The following KMT5B variants were observed in gnomAD, a reference collection of about 807,000 sequenced individuals.
The protein encoded by KMT5B is histone-lysine N-methyltransferase KMT5B.
Under a neutral mutation model 83.2 loss-of-function variants are expected in KMT5B, and 10 were observed. That is an observed-to-expected ratio of 0.12 (90% CI 0.07 to 0.20). KMT5B has a LOEUF of 0.20. Among genes scored for constraint, KMT5B ranks in the 10% least tolerant of loss-of-function variants. The pLI is 1.00. For missense variants in KMT5B, 753 were observed against 1,067.2 expected (o/e 0.71, Z 4.10); for synonymous variants, 349 against 388.8 (o/e 0.90, Z 1.20).
At chr11:68,206,895 A>G (rs190442541) in intron 1 of KMT5B, among the ~76,000 whole-genome samples, 1 of 152,284 alleles carries the variant, frequency 6.6e-6, no homozygotes, top group African/African-American at 2.4e-5. Flanking sequence ...TGCTTTCCCT[A>G]CAGTTCCCAA....
At chr11:68,195,382 C>G (rs1858580732) in intron 1 of KMT5B, among the ~76,000 whole-genome samples, 1 of 152,166 alleles carries the variant, frequency 6.6e-6, no homozygotes, top group African/African-American at 2.4e-5. Flanking sequence ...TTTCCCCATC[C>G]ACCTCACAGG....
intron 10 of KMT5B, 93 bp downstream of exon 10, chr11:68,166,889 T>C (rs543904737): frequency 1.6e-4 from 250 of 1,533,352 alleles, no homozygotes; most frequent in South Asian, 1.5e-3. Context: ...TCTCTGAGTA[T>C]TTAAAAGTTT....
chr11:68,183,567 C>T (rs1289006658), intron 3 of KMT5B, among the ~76,000 whole-genome samples: 2 of 151,798 alleles, frequency 1.3e-5, no homozygotes, highest in Admixed American at 6.6e-5. Context: ...GCATGTTGGC[C>T]AGGCTGGTCT....
intron 10 of KMT5B, among the ~76,000 whole-genome samples, chr11:68,160,981 C>A (rs987220857): frequency 1.3e-5 from 2 of 152,106 alleles, no homozygotes; most frequent in African/African-American, 2.4e-5. Context: ...CCTGCACGCA[C>A]AGACTGGCTC....
At chr11:68,174,042 G>C in intron 5 of KMT5B, 129 bp from the exon 6 acceptor site, 1 of 713,868 alleles carries the variant, frequency 1.4e-6, no homozygotes, top group South Asian at 1.5e-5. Context: ...AACATAGCGA[G>C]ACCCTGTCTC....
chr11:68,198,728 T>C (rs1236874341), intron 1 of KMT5B, among the ~76,000 whole-genome samples: 5 of 152,214 alleles, frequency 3.3e-5, no homozygotes, highest in Admixed American at 1.3e-4. Flanking sequence ...AAGAAAGTAC[T>C]GACTGCTTCT....
At chr11:68,194,247 G>A (rs1259827973) in intron 1 of KMT5B, among the ~76,000 whole-genome samples, 1 of 147,798 alleles carries the variant, frequency 6.8e-6, no homozygotes, top group Non-Finnish European at 1.5e-5. Flanking sequence ...CTGGAGTGCA[G>A]TGTCCACGAT....
intron 1 of KMT5B, among the ~76,000 whole-genome samples, chr11:68,212,198 C>A (rs1350973916): frequency 6.6e-6 from 1 of 152,142 alleles, no homozygotes; most frequent in East Asian, 1.9e-4. Context: ...AAGTTCAGAC[C>A]TGTATGGCCA....
At chr11:68,164,760 G>A (rs955246143) in intron 10 of KMT5B, 2 of 471,144 alleles carry the variant, frequency 4.2e-6, no homozygotes, top group Non-Finnish European at 8.5e-6. Context: ...CTGTAATGCT[G>A]AGACTTCAGC....
intron 1 of KMT5B, among the ~76,000 whole-genome samples, chr11:68,208,390 T>G (rs1158601891): frequency 6.6e-6 from 1 of 151,400 alleles, no homozygotes; most frequent in East Asian, 2.0e-4. Flanking sequence ...GAGGTGGAGG[T>G]TGCAATGAGC....
intron 9 of KMT5B, among the ~76,000 whole-genome samples, chr11:68,170,507 G>A (rs900817964): frequency 1.3e-5 from 2 of 152,188 alleles, no homozygotes; most frequent in East Asian, 3.9e-4. Context: ...TGCCAATGAA[G>A]ATCTGGGGGA....
chr11:68,174,655 A>G (rs895895715), intron 5 of KMT5B, among the ~76,000 whole-genome samples: 4 of 152,190 alleles, frequency 2.6e-5, no homozygotes, highest in Non-Finnish European at 2.9e-5. Context: ...CTGCTTCCTG[A>G]GTAGCCGGAA....
chr11:68,172,862 AC>A (rs1368856505), intron 6 of KMT5B, among the ~76,000 whole-genome samples: 2 of 152,164 alleles, frequency 1.3e-5, no homozygotes. Flanking sequence ...AAGTTCTTTT[AC>A]CTATCCATTT....
At chr11:68,179,348 CTAT>C (rs1200061271) in intron 4 of KMT5B, 1 of 936,328 alleles carries the variant, frequency 1.1e-6, no homozygotes, top group Non-Finnish European at 1.5e-6. Flanking sequence ...CCAAACATAT[CTAT>C]TTTTTCTCTT....
At chr11:68,162,281 A>G (rs1343830653) in intron 10 of KMT5B, among the ~76,000 whole-genome samples, 1 of 152,202 alleles carries the variant, frequency 6.6e-6, no homozygotes, top group African/African-American at 2.4e-5. Context: ...CCTTTCAGCA[A>G]CCTAATGCCC....
chr11:68,212,062 C>T (rs1860977105), intron 1 of KMT5B, among the ~76,000 whole-genome samples: 1 of 151,932 alleles, frequency 6.6e-6, no homozygotes, highest in Non-Finnish European at 1.5e-5. Context: ...AAAATGGTTT[C>T]CTCCTCTTTT....
At chr11:68,208,892 T>A (rs973458813) in intron 1 of KMT5B, among the ~76,000 whole-genome samples, 1 of 152,146 alleles carries the variant, frequency 6.6e-6, no homozygotes, top group African/African-American at 2.4e-5. Flanking sequence ...TCAAAAGCCC[T>A]CCTGGTACTT....
At chr11:68,161,772 A>G (rs1854890368) in intron 10 of KMT5B, among the ~76,000 whole-genome samples, 1 of 151,806 alleles carries the variant, frequency 6.6e-6, no homozygotes. Flanking sequence ...GGCCCCTTAG[A>G]CTGTTCTTCT....
At chr11:68,207,806 A>C (rs1565266199) in intron 1 of KMT5B, among the ~76,000 whole-genome samples, 1 of 146,534 alleles carries the variant, frequency 6.8e-6, no homozygotes, top group East Asian at 2.0e-4. Flanking sequence ...AAAAAAAAAA[A>C]CAAACCAAAA....
Sources: gnomAD v4.1 joint callset for allele counts (sites outside exome capture counted in the v4.1 genomes callset) on GRCh38, gnomAD v4.1.1 for gene constraint, MANE v1.5 for transcripts, NCBI Gene and HGNC (gene_info 2026-07-23, HGNC 2026-07-21) for gene names.